Variants in CCDC102B observed in about 807,000 individuals in gnomAD.
The protein encoded by CCDC102B is coiled-coil domain-containing protein 102B.
A neutral mutation model predicts 57.4 loss-of-function variants in CCDC102B; 75 were observed. The ratio of observed to expected loss-of-function variants is 1.31; its 90% confidence interval spans 1.08 to 1.58. The LOEUF (loss-of-function observed/expected upper bound fraction) is 1.58. Among genes scored for constraint, CCDC102B ranks in the 40% most tolerant of loss-of-function variants. The probability of loss-of-function intolerance (pLI) is 0.00; values close to 1 mark genes in which losing one functional copy is unlikely to be tolerated. For synonymous variants in CCDC102B, 206 were observed against 201.9 expected (o/e 1.02, Z -0.17); for missense variants, 636 against 582.6 (o/e 1.09, Z -0.94).
chr18:69,016,342 C>T (rs2051667985), intron 7 of CCDC102B, among the ~76,000 whole-genome samples: 1 of 152,092 alleles, frequency 6.6e-6, no homozygotes, highest in Non-Finnish European at 1.5e-5. Context: ...AAGGTTAAGT[C>T]TCTAGTATCT....
At chr18:68,765,335 A>AAGAAAG (rs1162169458) in intron 2 of CCDC102B, among the ~76,000 whole-genome samples, 1 of 108,782 alleles carries the variant, frequency 9.2e-6, no homozygotes, top group Admixed American at 9.2e-5. Context: ...GAAAGAAAGA[A>AAGAAAG]AGAAAGAAAG....
At chr18:68,842,598 T>A (rs953894507) in intron 3 of CCDC102B, among the ~76,000 whole-genome samples, 5 of 152,078 alleles carry the variant, frequency 3.3e-5, no homozygotes, top group Admixed American at 2.6e-4. Context: ...ATAGACAGCA[T>A]CTAGAATCCA....
intron 2 of CCDC102B, among the ~76,000 whole-genome samples, chr18:68,725,560 C>T (rs2032555984): frequency 6.6e-6 from 1 of 152,162 alleles, no homozygotes. Context: ...AATTATTCTC[C>T]ACCTACATTT....
At chr18:68,915,635 A>G (rs1467552960) in intron 6 of CCDC102B, among the ~76,000 whole-genome samples, 2 of 152,152 alleles carry the variant, frequency 1.3e-5, no homozygotes, top group Non-Finnish European at 2.9e-5. Flanking sequence ...TTGAGTGACT[A>G]TTTGTTAGCC....
At chr18:68,725,056 A>G (rs2032529423) in intron 2 of CCDC102B, among the ~76,000 whole-genome samples, 1 of 152,196 alleles carries the variant, frequency 6.6e-6, no homozygotes, top group Non-Finnish European at 1.5e-5. Flanking sequence ...CAGGAGAGAG[A>G]AGCGGTGCCG....
intron 4 of CCDC102B, among the ~76,000 whole-genome samples, chr18:68,856,366 C>A (rs575035454): frequency 2.0e-5 from 3 of 152,160 alleles, no homozygotes; most frequent in Non-Finnish European, 4.4e-5. Flanking sequence ...TCCTAGCTCA[C>A]GGAAGCTGTA....
chr18:68,775,715 G>A (rs1254097737), intron 2 of CCDC102B, among the ~76,000 whole-genome samples: 4 of 146,218 alleles, frequency 2.7e-5, no homozygotes, highest in South Asian at 2.1e-4. Flanking sequence ...GTGCAGTGGC[G>A]TGACCTCGGC....
At chr18:68,797,757 C>CTT (rs11409982), upstream of CCDC102B, among the ~76,000 whole-genome samples, 16,520 of 127,714 alleles carry the variant, frequency 0.13, 1,190 homozygotes, top group East Asian at 0.32. Flanking sequence ...ACTTCCTGGG[C>CTT]TTTTTTTTTT....
At chr18:68,990,797 A>G (rs1384059036) in intron 6 of CCDC102B, among the ~76,000 whole-genome samples, 1 of 152,166 alleles carries the variant, frequency 6.6e-6, no homozygotes, top group African/African-American at 2.4e-5. Context: ...TTTTATAGAT[A>G]TAGGTACTTA....
intron 2 of CCDC102B, among the ~76,000 whole-genome samples, chr18:68,772,317 T>C (rs1411930245): frequency 6.6e-6 from 1 of 152,096 alleles, no homozygotes; most frequent in Non-Finnish European, 1.5e-5. Context: ...GGAAATAATA[T>C]GAAAAGCTGG....
intron 2 of CCDC102B, among the ~76,000 whole-genome samples, chr18:68,787,948 T>C (rs1450345642): frequency 6.6e-6 from 1 of 151,334 alleles, no homozygotes; most frequent in Admixed American, 6.6e-5. Flanking sequence ...TCTTTCCTGC[T>C]TTCTCTTGTG....
At chr18:68,792,231 A>G (rs1157663323) in intron 2 of CCDC102B, among the ~76,000 whole-genome samples, 2 of 152,176 alleles carry the variant, frequency 1.3e-5, no homozygotes, top group Admixed American at 6.5e-5. Context: ...TTTCTAGGCC[A>G]CCTCTTAATA....
At chr18:68,949,266 C>T (rs879564967) in intron 6 of CCDC102B, among the ~76,000 whole-genome samples, 6 of 152,054 alleles carry the variant, frequency 3.9e-5, no homozygotes, top group Non-Finnish European at 7.4e-5. Context: ...ATCAAGTTGA[C>T]ACTCAATATT....
At position 68,718,535 on chromosome 18, in the gene CCDC102B, C is replaced by G. The variant is rs142729053; in HGVS notation, c.-67+1941C>G. Among the ~76,000 whole-genome samples, 52 of 152,260 alleles carry G rather than the reference C, an allele frequency of 3.4e-4. No homozygotes were observed. In the South Asian group the frequency reaches 8.9e-3, roughly 26 times the overall value. ...GATCTGGGTGCTGCTTACAATGATACGTTCACATTGCGAAAATGTGTTGAG... is the reference window on the plus strand; with the variant it reads ...GATCTGGGTGCTGCTTACAATGATAGGTTCACATTGCGAAAATGTGTTGAG... On this transcript the variant is annotated intron_variant, in intron 2 of 3. Transcript: ENST00000578970.
intron 7 of CCDC102B, among the ~76,000 whole-genome samples, chr18:69,031,145 A>G (rs2052131007): frequency 6.6e-6 from 1 of 152,324 alleles, no homozygotes; most frequent in South Asian, 2.1e-4. Flanking sequence ...TTGTCATTTT[A>G]GAAATCGTAA....
chr18:68,816,914 A>G (rs2036507779), intron 1 of CCDC102B, among the ~76,000 whole-genome samples: 1 of 152,186 alleles, frequency 6.6e-6, no homozygotes, highest in African/African-American at 2.4e-5. Flanking sequence ...AGAAAATAAA[A>G]TGTTTTTGTA....
intron 6 of CCDC102B, among the ~76,000 whole-genome samples, chr18:68,911,568 C>A (rs12967566): frequency 1.4e-5 from 2 of 144,032 alleles, no homozygotes; most frequent in South Asian, 2.2e-4. Flanking sequence ...CTGGCTAACA[C>A]GGTGAAACCC....
intron 1 of CCDC102B, among the ~76,000 whole-genome samples, chr18:68,829,647 G>T (rs79304633): frequency 6.6e-6 from 1 of 151,888 alleles, no homozygotes; most frequent in African/African-American, 2.4e-5. Context: ...AAATATTACC[G>T]CATTTCACTG....
intron 7 of CCDC102B, among the ~76,000 whole-genome samples, chr18:69,052,263 T>G (rs1449529017): frequency 6.6e-6 from 1 of 152,024 alleles, no homozygotes; most frequent in Non-Finnish European, 1.5e-5. Context: ...TAATTATTGA[T>G]CAGGGATTGA....
Sources: gnomAD v4.1 joint callset for allele counts (sites outside exome capture counted in the v4.1 genomes callset) on GRCh38, gnomAD v4.1.1 for gene constraint, MANE v1.5 for transcripts, NCBI Gene and HGNC (gene_info 2026-07-23, HGNC 2026-07-21) for gene names.